RBFOX1: variants seen among roughly 807,000 people sequenced by gnomAD.
RBFOX1 encodes RNA binding fox-1 homolog 1, also known as RNA binding protein fox-1 homolog 1.
Under a neutral mutation model 57.7 loss-of-function variants are expected in RBFOX1, and 8 were observed. The observed-to-expected ratio is 0.14, with a 90% CI of 0.08 to 0.25. The LOEUF (loss-of-function observed/expected upper bound fraction) is 0.25, where lower values mean the gene tolerates loss of function less well. RBFOX1 is among the 10% of genes least tolerant of loss of function. The pLI, the probability that RBFOX1 is intolerant of heterozygous loss-of-function variation, is 1.00. For synonymous variants in RBFOX1, 326 were observed against 222.4 expected (o/e 1.47, Z -4.15); for missense variants, 611 against 548.5 (o/e 1.11, Z -1.14).
In RBFOX1 at chr16:7,263,868, C is replaced by T. The variant is rs1265315536; in HGVS notation, c.27+211770C>T. Among the ~76,000 whole-genome samples, 5 of 150,610 alleles carry T rather than the reference C, an allele frequency of 3.3e-5. No individual in the cohort carries two copies. The South Asian group carries it at 8.4e-4, about 25-fold the overall frequency. On this transcript the variant is annotated intron_variant, in intron 4 of 15. Transcript: ENST00000550418. The stretch of plus-strand genomic sequence containing the variant: ...TGAGCTGAGATTGCACCATTGCACT[C>T]CAGCCTGGGCAACAAGAGCAAAACT...
In RBFOX1 at chr16:7,239,974, G is replaced by A. The variant is rs143316185; in HGVS notation, c.27+187876G>A. Among the ~76,000 whole-genome samples the A allele has an allele frequency of 8.2e-4, 125 of 152,136 alleles. 1 individual carries two copies. In the East Asian group the frequency reaches 0.022, roughly 27 times the overall value. On this transcript the variant is annotated intron_variant, in intron 4 of 15. Coordinates refer to ENST00000550418, the MANE Select transcript of RBFOX1 (RefSeq NM_018723.4). ...CCTGTTGAAACTATAAGATGATGGT[G>A]ACGATTATTTGAGACTGAGCCTAGC...
intron 4 of RBFOX1, among the ~76,000 whole-genome samples, chr16:5,905,166 C>G (rs1265852825): frequency 1.4e-5 from 2 of 142,794 alleles, no homozygotes; most frequent in African/African-American, 2.6e-5. Flanking sequence ...CTCCTAGATT[C>G]AAGTGATTCT....
chr16:5,885,148 G>A (rs1024238215), intron 4 of RBFOX1, among the ~76,000 whole-genome samples: 3 of 151,998 alleles, frequency 2.0e-5, no homozygotes, highest in African/African-American at 7.3e-5. Context: ...CCAAGGTAAG[G>A]GTGGCAGCTA....
At chr16:6,669,921 T>A (rs2098753675) in intron 3 of RBFOX1, among the ~76,000 whole-genome samples, 1 of 151,316 alleles carries the variant, frequency 6.6e-6, no homozygotes, top group Non-Finnish European at 1.5e-5. Flanking sequence ...ATATGGAGAA[T>A]CCAGTCAAAG....
intron 11 of RBFOX1, among the ~76,000 whole-genome samples, chr16:7,645,424 TAAATG>T (rs2063562230): frequency 6.6e-6 from 1 of 152,164 alleles, no homozygotes; most frequent in Admixed American, 6.5e-5. Flanking sequence ...TTTCCCCAAA[TAAATG>T]GCACACGCAG....
chr16:6,754,850 C>A (rs929110848), intron 3 of RBFOX1, among the ~76,000 whole-genome samples: 1 of 152,030 alleles, frequency 6.6e-6, no homozygotes, highest in Admixed American at 6.6e-5. Flanking sequence ...GCTATCCCTC[C>A]CCTCTCCCCC....
At chr16:6,351,771 T>A (rs2086448138) in intron 2 of RBFOX1, among the ~76,000 whole-genome samples, 1 of 152,194 alleles carries the variant, frequency 6.6e-6, no homozygotes, top group Non-Finnish European at 1.5e-5. Flanking sequence ...ATATATTAAA[T>A]ACATGTTATT....
chr16:7,067,224 C>T (rs561457718), intron 4 of RBFOX1, among the ~76,000 whole-genome samples: 8 of 152,266 alleles, frequency 5.3e-5, no homozygotes, highest in African/African-American at 1.4e-4. Context: ...AGAGTTCTTC[C>T]AGGCAGCCGA....
chr16:5,956,731 C>G lies in RBFOX1; in HGVS notation c.351+89396C>G, dbSNP rs1014434207. ...TCACCCAGGCTGGAGTGCACTGGCA[C>G]AATCATGGCTCACTGCAGCCTAGAC... On this transcript the variant is annotated intron_variant, in intron 4 of 19. Coordinates refer to the RBFOX1 transcript ENST00000641259. Among the ~76,000 whole-genome samples, 8 of 142,814 alleles carry G rather than the reference C, an allele frequency of 5.6e-5. No individual in the cohort carries two copies. The Admixed American group carries it at 5.8e-4, about 10-fold the overall frequency. The allele number at this position is 142,814 out of a possible 152,430, so 93.7% of individuals were successfully genotyped here. A position where few individuals can be genotyped will look rare whatever the true frequency, so the allele number is the denominator to read the frequency against.
chr16:5,800,039 T>C (rs2055007930), intron 3 of RBFOX1, among the ~76,000 whole-genome samples: 2 of 151,874 alleles, frequency 1.3e-5, no homozygotes, highest in Admixed American at 6.6e-5. Context: ...TATTTCCCTA[T>C]TTTTTATATA....
intron 14 of RBFOX1, among the ~76,000 whole-genome samples, chr16:7,681,994 C>G (rs756084976): frequency 1.2e-4 from 19 of 152,128 alleles, no homozygotes; most frequent in South Asian, 2.1e-4. Flanking sequence ...AGTTCAAGAC[C>G]TGGCACCTGC....
intron 4 of RBFOX1, among the ~76,000 whole-genome samples, chr16:7,160,618 C>CT (rs2078109514): frequency 6.6e-6 from 1 of 152,050 alleles, no homozygotes; most frequent in Non-Finnish European, 1.5e-5. Flanking sequence ...TTATGGCTTT[C>CT]TTTTTTCAGT....
At chr16:7,158,972 C>T (rs997866165) in intron 4 of RBFOX1, among the ~76,000 whole-genome samples, 1 of 152,086 alleles carries the variant, frequency 6.6e-6, no homozygotes, top group African/African-American at 2.4e-5. Flanking sequence ...AGATATACAA[C>T]AGTTCCATCA....
At chr16:6,503,681 G>A (rs2096005941) in intron 2 of RBFOX1, among the ~76,000 whole-genome samples, 1 of 152,152 alleles carries the variant, frequency 6.6e-6, no homozygotes, top group Non-Finnish European at 1.5e-5. Context: ...ATCTCTAACT[G>A]AGGAGCATCT....
intron 2 of RBFOX1, among the ~76,000 whole-genome samples, chr16:6,598,709 T>A (rs1455179801): frequency 6.6e-6 from 1 of 152,026 alleles, no homozygotes; most frequent in African/African-American, 2.4e-5. Context: ...GCACTTTGGG[T>A]GGCTGAGGCA....
At chr16:7,110,592 G>A (rs1324072344) in intron 4 of RBFOX1, among the ~76,000 whole-genome samples, 6 of 152,148 alleles carry the variant, frequency 3.9e-5, no homozygotes, top group African/African-American at 1.4e-4. Flanking sequence ...CTCTGGGCAC[G>A]AAGATTAGTG....
At position 6,887,033 on chromosome 16, in the gene RBFOX1, C is replaced by G. The variant is rs889380379; in HGVS notation, c.-15-165024C>G. On this transcript the variant is annotated intron_variant, in intron 3 of 15. Transcript: ENST00000550418. ...TTCTGGTTTGATTATCTTCCATATA[C>G]TGGTGAGTCTCCATACTTGGTTGTA... 1.3e-5 allele frequency among the ~76,000 whole-genome samples: 2 copies of G among 152,162 alleles called. 1 individual carries two copies. The highest frequency in any genetic ancestry group is 2.9e-5 in the Non-Finnish European group (2 of 68,032).
chr16:5,724,593 G>C (rs975951140), intron 3 of RBFOX1, among the ~76,000 whole-genome samples: 1 of 152,120 alleles, frequency 6.6e-6, no homozygotes, highest in Non-Finnish European at 1.5e-5. Context: ...TTGTCATGAG[G>C]TTCAGAGAGC....
At chr16:6,010,736 A>G (rs572236348) in intron 4 of RBFOX1, among the ~76,000 whole-genome samples, 78 of 152,324 alleles carry the variant, frequency 5.1e-4, no homozygotes, top group African/African-American at 1.8e-3. Context: ...CCCAAACGGT[A>G]TCCGTTAGAT....
Sources: gnomAD v4.1 joint callset for allele counts (sites outside exome capture counted in the v4.1 genomes callset) on GRCh38, gnomAD v4.1.1 for gene constraint, MANE v1.5 for transcripts, NCBI Gene and HGNC (gene_info 2026-07-23, HGNC 2026-07-21) for gene names.